Variants in ADCY6 observed in about 807,000 individuals in gnomAD.
ADCY6 encodes adenylate cyclase type 6.
ADCY6 carries 59 observed loss-of-function variants against 111.6 expected under a neutral mutation model. The observed-to-expected ratio is 0.53, with a 90% CI of 0.43 to 0.66. The LOEUF (loss-of-function observed/expected upper bound fraction) is 0.66, where lower values mean the gene tolerates loss of function less well. Among genes scored for constraint, ADCY6 ranks in the 30% least tolerant of loss-of-function variants. The pLI is 0.00. For missense variants in ADCY6, 1,242 were observed against 1,595.6 expected, an observed-to-expected ratio of 0.78 and a Z score of 3.78; for synonymous variants, 576 against 642.9, an observed-to-expected ratio of 0.90 and a Z score of 1.57.
intron 21 of ADCY6, 74 bp from the exon 22 acceptor site, chr12:48,768,790 T>G: frequency 6.3e-7 from 1 of 1,579,438 alleles, no homozygotes; most frequent in Non-Finnish European, 8.6e-7. Flanking sequence ...AGGGGTTCTC[T>G]AGTCAGGCTA....
chr12:48,776,548 C>T lies in ADCY6; in HGVS notation c.1415G>A (p.Arg472His). The change falls in exon 7 of 22, where the codon CGC becomes CAC. Residue 472 changes from arginine to histidine, a missense_variant. Around this residue, in one of 4 missense-constraint regions of ADCY6, gnomAD observed 260 missense variants for 414.6 expected, o/e 0.63. Coordinates refer to ENST00000357869, the MANE Select transcript of ADCY6 (RefSeq NM_015270.5). This position sits in a 1 kb window ranked among gnomAD's most constrained non-coding sequence, Gnocchi z 6.1. Reference protein sequence around the residue: ...REVTGVNVNMRVGIHSGRVHC... With the variant: ...REVTGVNVNMHVGIHSGRVHC... ...CACGCGCCCGCTGTGGATGCCCACG[C>T]GCATGTTCACATTCACACCTGTCAC... is the stretch of plus-strand genomic sequence containing the variant. The T allele has an allele frequency of 1.9e-6, 3 of 1,613,160 alleles. No individual in the cohort carries two copies. Among genetic ancestry groups the T allele is most frequent in the East Asian group, 2.2e-5 (1 of 44,884 alleles).
intron 15 of ADCY6, 31 bp downstream of exon 15, chr12:48,773,909 C>G: frequency 1.9e-6 from 3 of 1,607,394 alleles, no homozygotes; most frequent in Non-Finnish European, 2.5e-6. Context: ...GCCAGGACAG[C>G]CCCCCCACCG....
chr12:48,788,332 A>G (rs1438435714), intron 1 of ADCY6, among the ~76,000 whole-genome samples: 1 of 152,100 alleles, frequency 6.6e-6, no homozygotes, highest in Non-Finnish European at 1.5e-5. Flanking sequence ...AGAGGCTCCC[A>G]CGCCTGATTC....
rs976773687 is a variant in ADCY6, at chr12:48,783,637, A to C, written c.-4-199T>G. 9 of 1,322,386 alleles carry C rather than the reference A, an allele frequency of 6.8e-6. No individual in the cohort carries two copies. The African/African-American group carries it at 1.0e-4, about 15-fold the overall frequency. 81.9% of individuals were successfully genotyped at this position (1,322,386 alleles called of 1,614,324 possible). A position where few individuals can be genotyped will look rare whatever the true frequency, so the allele number is the denominator to read the frequency against. ...ATCAACAGGTGAGAACCCAAGACAC[A>C]GTCAGGACAAGAAACTTGCCCAAAA... On this transcript the variant is annotated intron_variant, in intron 1 of 21. Transcript: ENST00000357869.
At chr12:48,778,428 C>T in intron 2 of ADCY6, 171 bp from the exon 3 acceptor site, 1 of 700,706 alleles carries the variant, frequency 1.4e-6, no homozygotes, top group Non-Finnish European at 2.4e-6. Flanking sequence ...CCATTACCCA[C>T]AGGACCCCAG....
chr12:48,771,119 A>G lies in ADCY6; in HGVS notation c.3052-149T>C. 1.3e-6 allele frequency: 1 copy of G among 786,356 alleles called. No individual in the cohort carries two copies. The highest frequency in any genetic ancestry group is 2.0e-6 in the Non-Finnish European group (1 of 503,612). 48.7% of individuals were successfully genotyped at this position (786,356 alleles called of 1,614,324 possible). ...AGCTGCTGCTATCAGTGTAAGACTG[A>G]GGAGCTGGGAAAACAGGCAGCCTAG... On this transcript the variant is annotated intron_variant, in intron 19 of 21. Coordinates refer to ENST00000357869, the MANE Select transcript of ADCY6 (RefSeq NM_015270.5). This position sits in a 1 kb window ranked among gnomAD's most constrained non-coding sequence, Gnocchi z 4.3.
Position 48,788,909 on chromosome 12 carries a change from C to T in ADCY6, c.-8G>A, listed in dbSNP as rs1050955688. On this transcript the variant is annotated 5_prime_UTR_variant, in exon 1 of 22. Transcript: ENST00000357869. ...CCCTAGCCCTCAGCGCGCTCACCTG[C>T]CGGCCCGGCTCCGCGCCTGCCCTGG... 6.7e-6 allele frequency: 1 copy of T among 149,802 alleles called. No individual in the cohort carries two copies. Among genetic ancestry groups the T allele is most frequent in the African/African-American group, 2.4e-5 (1 of 41,078 alleles). The allele number at this position is 149,802 out of a possible 1,614,324, so 9.3% of individuals were successfully genotyped here. A position where few individuals can be genotyped will look rare whatever the true frequency, so the allele number is the denominator to read the frequency against.
At chr12:48,775,871 A>T in intron 9 of ADCY6, 92 bp downstream of exon 9, 2 of 1,533,742 alleles carry the variant, frequency 1.3e-6, no homozygotes, top group Non-Finnish European at 8.8e-7. Context: ...CATACATGGA[A>T]ATGGCAGTCA....
chr12:48,776,441 C>T lies in ADCY6; in HGVS notation c.1522G>A (p.Gly508Arg). ...DVTLANHMEA[G>R]GRAGRIHITR... ...CCCCCTACTCACCCAGCCCGGCCTC[C>T]TGCCTCCATGTGGTTGGCCAGGGTC... The change falls in exon 7 of 22, where the codon GGA (glycine) becomes AGA (arginine). Residue 508 changes from glycine to arginine, a missense_variant. Gly to Arg is a moderately radical substitution (Grantham distance 125). Transcript: ENST00000357869. This position sits in a 1 kb window ranked among gnomAD's most constrained non-coding sequence, Gnocchi z 6.1. 6.2e-7 allele frequency: 1 copy of T among 1,613,158 alleles called. No individual in the cohort carries two copies.
In ADCY6 at chr12:48,783,150, C is replaced by T. The variant is rs114125023; in HGVS notation, c.285G>A (p.Glu95=). 2.5e-6 allele frequency: 4 copies of T among 1,607,522 alleles called. No individual in the cohort carries two copies. The highest frequency in any genetic ancestry group is 2.7e-5 in the African/African-American group (2 of 75,042). Residue 95 remains glutamate (E), a synonymous_variant, in exon 2 of 22, where the codon GAG becomes GAA. Transcript: ENST00000357869. The part of the protein sequence containing the change: ...RAVALGFEDT[E]VTTTAGGTAE... ...CCGTCCCGCCCGCTGTCGTTGTCAC[C>T]TCGGTATCCTCGAAGCCCAGGGCCA...
chr12:48,775,127 A>T, intron 11 of ADCY6, 73 bp from the exon 12 acceptor site: 1 of 1,461,042 alleles, frequency 6.8e-7, no homozygotes, highest in Non-Finnish European at 9.4e-7. Flanking sequence ...ACAGGGCACT[A>T]CCAGGGGTCT....
At chr12:48,786,030 G>C (rs2137398400) in intron 1 of ADCY6, among the ~76,000 whole-genome samples, 1 of 152,270 alleles carries the variant, frequency 6.6e-6, no homozygotes, top group Non-Finnish European at 1.5e-5. Flanking sequence ...TGTCATCCAT[G>C]CATGCCTGTG....
At position 48,778,304 on chromosome 12, in the gene ADCY6, C is replaced by T. The variant is rs1941760591; in HGVS notation, c.865-47G>A. ...GACAGTGACCATCTCCTCTGCCTGC[C>T]CCCCTAAACACACACACACATTCAC... On this transcript the variant is annotated intron_variant, in intron 2 of 21. Coordinates refer to ENST00000357869, the MANE Select transcript of ADCY6 (RefSeq NM_015270.5). 1.9e-6 allele frequency: 3 copies of T among 1,611,958 alleles called. No homozygotes were observed. In the East Asian group the frequency reaches 6.7e-5, roughly 36 times the overall value.
At position 48,782,674 on chromosome 12, in the gene ADCY6, G is replaced by C; in HGVS notation, c.761C>G (p.Pro254Arg). 6.3e-7 allele frequency: 1 copy of C among 1,596,750 alleles called. No homozygotes were observed. Among genetic ancestry groups the C allele is most frequent in the South Asian group, 1.1e-5 (1 of 89,120 alleles). The change falls in exon 2 of 22, where the codon CCC becomes CGC. Residue 254 changes from proline (P) to arginine (R), a missense_variant. Around this residue, in one of 4 missense-constraint regions of ADCY6, gnomAD observed 362 missense variants for 377.2 expected, o/e 0.96. Coordinates refer to ENST00000357869, the MANE Select transcript of ADCY6 (RefSeq NM_015270.5). The surrounding 1 kb of genome is among the most constrained non-coding windows in gnomAD (Gnocchi z 4.3). ...GAGGACGGCAGCCCGCATGCGGATG[G>C]GGAGGAGCGTGTAGGCGATGTAGAC... Reference protein sequence around the residue: ...FFVYIAYTLLPIRMRAAVLSG... With the variant: ...FFVYIAYTLLRIRMRAAVLSG...
chr12:48,773,945 G>C lies in ADCY6; in HGVS notation c.2437C>G (p.Pro813Ala), dbSNP rs1941624059. 1 of 1,613,660 alleles carries C rather than the reference G, an allele frequency of 6.2e-7. No homozygotes were observed. Among genetic ancestry groups the C allele is most frequent in the Non-Finnish European group, 8.5e-7 (1 of 1,179,878 alleles). The change falls in exon 15 of 22, where the codon CCT becomes GCT. Residue 813 changes from proline to alanine, a missense_variant. Physicochemically the swap from Pro to Ala is conservative, Grantham distance 27. This residue lies in a region of ADCY6 where 375 missense variants were observed against 432.5 expected (regional missense o/e 0.87). Transcript: ENST00000357869. ...CCTGAGCACTGCTCGAACACCTCAG[G>C]AAAGCTGCAGGTGGGCATGGTGCCC... is the stretch of plus-strand genomic sequence containing the variant. ...CEGTMPTCSFPEYFIGNMLLS... is the reference protein window; with the variant it reads ...CEGTMPTCSFAEYFIGNMLLS...
At position 48,769,130 on chromosome 12, in the gene ADCY6, C is replaced by T. The variant is rs1364456230; in HGVS notation, c.3257-69G>A. On this transcript the variant is annotated intron_variant, in intron 20 of 21. Transcript: ENST00000357869. The stretch of plus-strand genomic sequence containing the variant: ...TAAACCCAGGGAGTCATCCCACCTC[C>T]TGGCACTGGTAGAAGGACCCAGAGA... The T allele has an allele frequency of 2.1e-6, 3 of 1,413,906 alleles. No individual in the cohort carries two copies. In the African/African-American group the frequency reaches 4.3e-5, roughly 20 times the overall value. 87.6% of individuals were successfully genotyped at this position (1,413,906 alleles called of 1,614,324 possible).
intron 1 of ADCY6, 138 bp from the exon 2 acceptor site, chr12:48,783,576 A>C: frequency 6.7e-7 from 1 of 1,492,512 alleles, no homozygotes. Flanking sequence ...TCATCCTCAT[A>C]AAATTACTTG....
chr12:48,774,889 T>G, intron 12 of ADCY6, 68 bp downstream of exon 12: 2 of 1,520,858 alleles, frequency 1.3e-6, no homozygotes, highest in South Asian at 2.4e-5. Flanking sequence ...TGGGCTTGTG[T>G]GGGTATTTAG....
chr12:48,776,125 G>A lies in ADCY6; in HGVS notation c.1678-34C>T, dbSNP rs376079489. On this transcript the variant is annotated intron_variant, in intron 8 of 21. Transcript: ENST00000357869. This position sits in a 1 kb window ranked among gnomAD's most constrained non-coding sequence, Gnocchi z 6.1. Reference sequence around the variant, plus strand: ...GCAGCATGGGTACAGGCTCAGAAGAGGGGCCCAGAGGAGGCCTTGGCCTGC... The same window carrying A: ...GCAGCATGGGTACAGGCTCAGAAGAAGGGCCCAGAGGAGGCCTTGGCCTGC... 1.9e-6 allele frequency: 3 copies of A among 1,613,882 alleles called. No individual in the cohort carries two copies. Among genetic ancestry groups the A allele is most frequent in the South Asian group, 1.1e-5 (1 of 91,068 alleles).
Sources: allele counts gnomAD v4.1 joint callset (sites outside exome capture counted in the v4.1 genomes callset), GRCh38; gene constraint gnomAD v4.1.1; regional missense constraint gnomAD v4.1.1; non-coding constraint Gnocchi (gnomAD v3.1); transcripts MANE v1.5; gene names NCBI Gene and HGNC (gene_info 2026-07-23, HGNC 2026-07-21).